The following PTCHD4 variants were observed in gnomAD, a reference collection of about 807,000 sequenced individuals.
The protein encoded by PTCHD4 is patched domain containing 4.
In PTCHD4, 33 loss-of-function variants were observed where a neutral mutation model predicts 58.1. That is an observed-to-expected ratio of 0.57 (90% CI 0.43 to 0.76). PTCHD4 has a LOEUF of 0.76. Among genes scored for constraint, PTCHD4 ranks in the 30% least tolerant of loss-of-function variants. PTCHD4 has a pLI of 0.00. For synonymous variants in PTCHD4, 478 were observed against 409.6 expected (o/e 1.17, Z -2.02); for missense variants, 1,058 against 1,027.1 (o/e 1.03, Z -0.41).
chr6:47,918,805 T>C (rs374513801), intron 4 of PTCHD4, among the ~76,000 whole-genome samples: 1 of 152,156 alleles, frequency 6.6e-6, no homozygotes, highest in South Asian at 2.1e-4. Flanking sequence ...AGATTAACTT[T>C]GAAATTTTCA....
intron 3 of PTCHD4, among the ~76,000 whole-genome samples, chr6:48,056,942 T>G (rs1268600853): frequency 6.6e-6 from 1 of 152,206 alleles, no homozygotes; most frequent in Admixed American, 6.5e-5. Context: ...AATCTGAATT[T>G]CAGATAAGTA....
chr6:48,034,480 T>C (rs1280882261), intron 3 of PTCHD4, among the ~76,000 whole-genome samples: 1 of 152,154 alleles, frequency 6.6e-6, no homozygotes, highest in African/African-American at 2.4e-5. Flanking sequence ...TTCATTCTCT[T>C]AATTTCCTTG....
At chr6:48,018,246 C>T (rs983704462) in intron 3 of PTCHD4, among the ~76,000 whole-genome samples, 10 of 152,294 alleles carry the variant, frequency 6.6e-5, no homozygotes, top group African/African-American at 2.4e-4. Context: ...AGAAGACATG[C>T]TGTTCAGCTT....
In PTCHD4 at chr6:47,878,482, A is replaced by G. The variant is rs746627454; in HGVS notation, c.2353T>C (p.Leu785=). 9 of 1,613,418 alleles carry G rather than the reference A, an allele frequency of 5.6e-6. No homozygotes were observed. Among genetic ancestry groups the G allele is most frequent in the Non-Finnish European group, 7.6e-6 (9 of 1,179,722 alleles). The change falls in exon 5 of 5, where the codon TTG becomes CTG. Residue 785 remains leucine (L), a synonymous_variant. Transcript: ENST00000339488. ...AGTGTGCAACCCCCAGTGAGCAGCA[A>G]GCATTTGAACAGTGTGAAGGTCAGG... ...SNLTFTLFKC[L]LLTGGCTLLH... is the part of the protein sequence containing the mutation.
chr6:47,994,319 G>T (rs1581988101), intron 4 of PTCHD4, among the ~76,000 whole-genome samples: 1 of 152,324 alleles, frequency 6.6e-6, no homozygotes, highest in South Asian at 2.1e-4. Context: ...ATTATGCATA[G>T]TGGGTCAATA....
At chr6:47,981,332 A>G (rs911616273) in intron 4 of PTCHD4, among the ~76,000 whole-genome samples, 3 of 152,042 alleles carry the variant, frequency 2.0e-5, no homozygotes, top group Non-Finnish European at 2.9e-5. Context: ...TGTTGCTTCC[A>G]AAGCAGCTCA....
At chr6:48,089,038 C>T (rs1765315253) in intron 1 of PTCHD4, among the ~76,000 whole-genome samples, 1 of 152,026 alleles carries the variant, frequency 6.6e-6, no homozygotes, top group East Asian at 1.9e-4. Context: ...AAGAGTGAAG[C>T]TCCATCTCAA....
chr6:47,932,203 G>C (rs1765846927), intron 4 of PTCHD4, among the ~76,000 whole-genome samples: 1 of 152,172 alleles, frequency 6.6e-6, no homozygotes, highest in Non-Finnish European at 1.5e-5. Flanking sequence ...CACTATCCAG[G>C]AGACTGCACA....
rs1763913650 is a variant in PTCHD4 at position 47,878,634 on chromosome 6, A to T, written c.2201T>A (p.Val734Glu). The change falls in exon 5 of 5, where the codon GTA becomes GAA. Residue 734 changes from valine to glutamate, a missense_variant. Physicochemically the swap from Val to Glu is moderately radical, Grantham distance 121. Coordinates refer to ENST00000339488, the MANE Select transcript of PTCHD4 (RefSeq NM_001384253.1). ...TGTTCGGGTGTGCTCAGTTGCTAAT[A>T]CAAATGTGAAAAGCAGTGGTGCACA... is the stretch of plus-strand genomic sequence containing the variant. ...DHCAPLLFTF[V>E]LATEHTRTQC... is the part of the protein sequence containing the mutation. 6.2e-7 allele frequency: 1 copy of T among 1,613,492 alleles called. No homozygotes were observed. Among genetic ancestry groups the T allele is most frequent in the Non-Finnish European group, 8.5e-7 (1 of 1,179,760 alleles).
At chr6:48,033,988 C>A (rs941104077) in intron 3 of PTCHD4, among the ~76,000 whole-genome samples, 3 of 152,042 alleles carry the variant, frequency 2.0e-5, no homozygotes, top group African/African-American at 7.2e-5. Flanking sequence ...TTCTCATGAG[C>A]AGGGCAGTCC....
chr6:48,011,824 T>C (rs1002201785), intron 3 of PTCHD4, among the ~76,000 whole-genome samples: 1 of 152,198 alleles, frequency 6.6e-6, no homozygotes, highest in Admixed American at 6.5e-5. Flanking sequence ...ATTTATTAAA[T>C]AGGGAATCTT....
intron 4 of PTCHD4, among the ~76,000 whole-genome samples, chr6:47,907,894 G>C (rs9395328): frequency 0.59 from 89,721 of 151,560 alleles, 27,338 homozygotes; most frequent in East Asian, 0.78. Flanking sequence ...TCCACCTCAA[G>C]CTATGTTTCT....
At chr6:48,060,838 G>A (rs535458701) in intron 3 of PTCHD4, among the ~76,000 whole-genome samples, 4 of 152,160 alleles carry the variant, frequency 2.6e-5, no homozygotes, top group Non-Finnish European at 5.9e-5. Flanking sequence ...ATGTTGGGAG[G>A]GGAGCTCCAG....
intron 3 of PTCHD4, among the ~76,000 whole-genome samples, chr6:48,049,592 C>A (rs1331996822): frequency 1.3e-5 from 2 of 152,070 alleles, no homozygotes; most frequent in East Asian, 3.9e-4. Context: ...GAGCTCAAAT[C>A]TCACTTCATC....
At chr6:47,951,854 A>T (rs1288409038) in intron 4 of PTCHD4, among the ~76,000 whole-genome samples, 1 of 152,126 alleles carries the variant, frequency 6.6e-6, no homozygotes, top group Non-Finnish European at 1.5e-5. Flanking sequence ...AAGATAGAAA[A>T]GAAAAAAAAA....
chr6:47,956,895 G>A (rs1766883081), intron 4 of PTCHD4, among the ~76,000 whole-genome samples: 1 of 152,100 alleles, frequency 6.6e-6, no homozygotes, highest in Non-Finnish European at 1.5e-5. Flanking sequence ...TGGGCGTGGT[G>A]ATTCATGCCT....
intron 3 of PTCHD4, among the ~76,000 whole-genome samples, chr6:48,028,066 C>G (rs1230362599): frequency 6.6e-6 from 1 of 152,000 alleles, no homozygotes; most frequent in Non-Finnish European, 1.5e-5. Context: ...CTCAGCCTCC[C>G]CAGTAGCTGA....
intron 1 of PTCHD4, among the ~76,000 whole-genome samples, chr6:48,074,428 A>G (rs1242284329): frequency 6.6e-6 from 1 of 152,230 alleles, no homozygotes; most frequent in Non-Finnish European, 1.5e-5. Flanking sequence ...GACAGACAAG[A>G]TCCCAAGGAA....
At chr6:48,057,430 C>T (rs1764451710) in intron 3 of PTCHD4, among the ~76,000 whole-genome samples, 1 of 152,184 alleles carries the variant, frequency 6.6e-6, no homozygotes, top group African/African-American at 2.4e-5. Flanking sequence ...GCTAAGAAAG[C>T]TAAATGCCCT....
Sources: allele counts gnomAD v4.1 joint callset (sites outside exome capture counted in the v4.1 genomes callset), GRCh38; gene constraint gnomAD v4.1.1; transcripts MANE v1.5; gene names NCBI Gene and HGNC (gene_info 2026-07-23, HGNC 2026-07-21).